The following XKR4 variants were observed in gnomAD, a reference collection of about 807,000 sequenced individuals.
XKR4 encodes the protein XK related 4.
In XKR4, 12 loss-of-function variants were observed where a neutral mutation model predicts 53.9. The ratio of observed to expected loss-of-function variants is 0.22; its 90% confidence interval spans 0.14 to 0.36. The LOEUF is 0.36. Among genes scored for constraint, XKR4 ranks in the 10% least tolerant of loss-of-function variants. The pLI is 1.00. For synonymous variants in XKR4, 354 were observed against 362.4 expected, an observed-to-expected ratio of 0.98 and a Z score of 0.26; for missense variants, 799 against 859.5, an observed-to-expected ratio of 0.93 and a Z score of 0.88.
At chr8:55,450,716 T>G in intron 2 of XKR4, 1 of 584,614 alleles carries the variant, frequency 1.7e-6, no homozygotes, top group South Asian at 1.6e-5. Context: ...AAGCGATGAC[T>G]GAAGGACAGC....
At chr8:55,229,332 G>A (rs1290020666) in intron 1 of XKR4, among the ~76,000 whole-genome samples, 1 of 152,234 alleles carries the variant, frequency 6.6e-6, no homozygotes, top group Non-Finnish European at 1.5e-5. Context: ...GAAGGAAAGA[G>A]ACAGCTGGGA....
intron 1 of XKR4, among the ~76,000 whole-genome samples, chr8:55,346,814 C>A (rs1183903699): frequency 6.6e-6 from 1 of 151,722 alleles, no homozygotes; most frequent in Non-Finnish European, 1.5e-5. Context: ...AGATCTTCTG[C>A]ACAGATTTCA....
intron 2 of XKR4, among the ~76,000 whole-genome samples, chr8:55,476,599 C>T (rs920530608): frequency 1.1e-4 from 16 of 152,038 alleles, no homozygotes; most frequent in Non-Finnish European, 2.1e-4. Flanking sequence ...GAGGCATTGC[C>T]TCACTCAGGA....
chr8:55,444,314 G>A (rs970828737), intron 2 of XKR4, among the ~76,000 whole-genome samples: 2 of 152,146 alleles, frequency 1.3e-5, no homozygotes, highest in African/African-American at 4.8e-5. Flanking sequence ...CTCAGGATAT[G>A]GATTAATCTC....
Position 55,102,581 on chromosome 8 carries a change from G to A in XKR4, c.93G>A (p.Val31=). The change falls in exon 1 of 3, where the codon GTG becomes GTA. Residue 31 remains valine, a synonymous_variant. Transcript: ENST00000327381. The surrounding 1 kb of genome is among the most constrained non-coding windows in gnomAD (Gnocchi z 5.1). ...AGAACTCGGACCACTCGGGCTCGGTGCAGGGATTGGCTCCAGGCTTGCCGT... is the reference window on the plus strand; with the variant it reads ...AGAACTCGGACCACTCGGGCTCGGTACAGGGATTGGCTCCAGGCTTGCCGT... ...PLQNSDHSGS[V]QGLAPGLPSG... 2.6e-6 allele frequency: 4 copies of A among 1,524,290 alleles called. No homozygotes were observed. The highest frequency in any genetic ancestry group is 3.5e-6 in the Non-Finnish European group (4 of 1,131,600). The allele number at this position is 1,524,290 out of a possible 1,614,324, so 94.4% of individuals were successfully genotyped here. A position where few individuals can be genotyped will look rare whatever the true frequency, so the allele number is the denominator to read the frequency against.
chr8:55,453,243 GA>G, intron 2 of XKR4: 1 of 491,916 alleles, frequency 2.0e-6, no homozygotes, highest in South Asian at 1.5e-5. Context: ...AGAGGCAGCA[GA>G]GCAGCCGAGA....
At chr8:55,368,370 G>A (rs1394726467) in intron 2 of XKR4, among the ~76,000 whole-genome samples, 1 of 152,148 alleles carries the variant, frequency 6.6e-6, no homozygotes, top group Admixed American at 6.5e-5. Context: ...CTGCTGTGGA[G>A]CCTCCAAGTC....
intron 1 of XKR4, among the ~76,000 whole-genome samples, chr8:55,182,552 T>C (rs1284091309): frequency 6.6e-6 from 1 of 152,194 alleles, no homozygotes; most frequent in African/African-American, 2.4e-5. Flanking sequence ...TTGAAAAGGC[T>C]TCCATTTCTT....
intron 2 of XKR4, among the ~76,000 whole-genome samples, chr8:55,363,636 C>A (rs1263863135): frequency 1.3e-5 from 2 of 152,166 alleles, no homozygotes; most frequent in Non-Finnish European, 2.9e-5. Context: ...CTGTCTCCAG[C>A]CGCATTTAAA....
intron 2 of XKR4, among the ~76,000 whole-genome samples, chr8:55,411,962 G>C (rs1427795429): frequency 1.3e-5 from 2 of 152,166 alleles, no homozygotes; most frequent in Non-Finnish European, 2.9e-5. Context: ...TTCACATTTA[G>C]TCTACCCAAA....
At chr8:55,502,477 T>G (rs766094118) in intron 2 of XKR4, among the ~76,000 whole-genome samples, 11 of 152,206 alleles carry the variant, frequency 7.2e-5, no homozygotes, top group Non-Finnish European at 1.2e-4. Flanking sequence ...TCTCTAATCC[T>G]TAGTGATGTT....
intron 2 of XKR4, among the ~76,000 whole-genome samples, chr8:55,455,471 T>G (rs944667013): frequency 1.3e-5 from 2 of 152,118 alleles, no homozygotes; most frequent in Non-Finnish European, 2.9e-5. Flanking sequence ...ATTCATAAAC[T>G]TTGGTGCTAG....
intron 2 of XKR4, among the ~76,000 whole-genome samples, chr8:55,366,328 T>C (rs1243858699): frequency 6.6e-6 from 1 of 152,198 alleles, no homozygotes; most frequent in Non-Finnish European, 1.5e-5. Flanking sequence ...CTGAGAAACT[T>C]GATAACGAAG....
At chr8:55,120,054 G>A (rs569832215) in intron 1 of XKR4, among the ~76,000 whole-genome samples, 1 of 152,294 alleles carries the variant, frequency 6.6e-6, no homozygotes, top group East Asian at 1.9e-4. Flanking sequence ...TTTTACAATG[G>A]TGCATGAACA....
intron 1 of XKR4, among the ~76,000 whole-genome samples, chr8:55,350,738 C>CTTT (rs1028164969): frequency 7.4e-5 from 9 of 122,430 alleles, no homozygotes; most frequent in African/African-American, 1.5e-4. Context: ...TTTTTCTTTT[C>CTTT]TTTTTTTTTT....
chr8:55,522,773 C>T (rs1161412704), intron 2 of XKR4, among the ~76,000 whole-genome samples: 1 of 152,176 alleles, frequency 6.6e-6, no homozygotes, highest in Non-Finnish European at 1.5e-5. Flanking sequence ...ACAAAATTAC[C>T]TCCTTAGTCC....
chr8:55,151,190 A>G (rs1010358153), intron 1 of XKR4, among the ~76,000 whole-genome samples: 1 of 152,254 alleles, frequency 6.6e-6, no homozygotes, highest in African/African-American at 2.4e-5. Flanking sequence ...ACGAATATTT[A>G]AAGAACAAGA....
At chr8:55,448,523 T>C (rs1048111672) in intron 2 of XKR4, among the ~76,000 whole-genome samples, 3 of 152,230 alleles carry the variant, frequency 2.0e-5, no homozygotes, top group African/African-American at 7.2e-5. Flanking sequence ...TGAGATGGTT[T>C]TAATCAGTGA....
rs1346812357 is a variant in XKR4 at position 55,237,403 on chromosome 8, CAGTT to C, written c.807-120272_807-120269del. On this transcript the variant is annotated intron_variant, in intron 1 of 2. Transcript: ENST00000327381. ...ATATACTGTATTCTTACAATAAAGT[CAGTT>C]AGAGAAAAGATAATGTTACTAAGAA... Among the ~76,000 whole-genome samples, 13 of 152,188 alleles carry C rather than the reference CAGTT, an allele frequency of 8.5e-5. No homozygotes were observed. In the East Asian group the frequency reaches 1.7e-3, roughly 20 times the overall value.
Sources: allele counts gnomAD v4.1 joint callset (sites outside exome capture counted in the v4.1 genomes callset), GRCh38; gene constraint gnomAD v4.1.1; non-coding constraint Gnocchi (gnomAD v3.1); transcripts MANE v1.5; gene names NCBI Gene and HGNC (gene_info 2026-07-23, HGNC 2026-07-21).